The following MYT1L variants were observed in gnomAD, a reference collection of about 807,000 sequenced individuals.
MYT1L encodes myelin transcription factor 1 like.
MYT1L carries 12 observed loss-of-function variants against 126.7 expected under a neutral mutation model. That is an observed-to-expected ratio of 0.09 (90% CI 0.06 to 0.15). MYT1L has a LOEUF of 0.15. Ranked by LOEUF, MYT1L falls within the 10% of genes least tolerant of loss-of-function variation. The probability of loss-of-function intolerance (pLI) is 1.00; values close to 1 mark genes in which losing one functional copy is unlikely to be tolerated. For missense variants in MYT1L, 979 were observed against 1,585.2 expected (o/e 0.62, Z 6.49); for synonymous variants, 541 against 604.2 (o/e 0.90, Z 1.53).
chr2:2,000,871 G>A (rs373849307), intron 4 of MYT1L, among the ~76,000 whole-genome samples: 20 of 152,230 alleles, frequency 1.3e-4, no homozygotes, highest in African/African-American at 3.6e-4. Flanking sequence ...CTATGCATGC[G>A]TGGTGTTCAG....
intron 3 of MYT1L, among the ~76,000 whole-genome samples, chr2:2,072,608 C>T (rs2074733379): frequency 2.0e-5 from 3 of 152,158 alleles, no homozygotes; most frequent in Admixed American, 1.3e-4. Context: ...TATGGTTTGG[C>T]TCTGTGTCCC....
intron 3 of MYT1L, among the ~76,000 whole-genome samples, chr2:2,117,135 G>C (rs887491415): frequency 6.6e-6 from 1 of 152,180 alleles, no homozygotes; most frequent in African/African-American, 2.4e-5. Flanking sequence ...CCTTCAGTAA[G>C]CCCTCAGGGT....
chr2:2,146,944 G>A (rs575939006), intron 3 of MYT1L, among the ~76,000 whole-genome samples: 1 of 152,188 alleles, frequency 6.6e-6, no homozygotes, highest in East Asian at 1.9e-4. Context: ...AGAAAGGAAA[G>A]GGGTCTGGAG....
In MYT1L at chr2:1,979,397, A is replaced by T; in HGVS notation, c.89+124T>A. The T allele has an allele frequency of 8.8e-7, 1 of 1,141,208 alleles. No individual in the cohort carries two copies. Among genetic ancestry groups the T allele is most frequent in the Non-Finnish European group, 1.3e-6 (1 of 757,410 alleles). The allele number at this position is 1,141,208 out of a possible 1,614,324, so 70.7% of individuals were successfully genotyped here. ...TTTACGAGCAAGTCTCGGGGGAATT[A>T]ATTTCATCAGTGCAGCAGGGCGTGA... On this transcript the variant is annotated intron_variant, in intron 7 of 24. Transcript: ENST00000647738. The surrounding 1 kb of genome is among the most constrained non-coding windows in gnomAD (Gnocchi z 4.0).
Position 2,208,987 on chromosome 2 carries a change from C to T in MYT1L, c.-420-35999G>A, listed in dbSNP as rs35072239. On this transcript the variant is annotated intron_variant, in intron 2 of 24. Transcript: ENST00000647738. ...GTCATAGGTTGCTTTTGAAATTAAA[C>T]AGGGAGGCATTTACACACACACACA... Among the ~76,000 whole-genome samples the T allele has an allele frequency of 4.0e-3, 571 of 144,240 alleles. 2 individuals are homozygous for T. The highest frequency in any genetic ancestry group is 5.5e-3 in the Non-Finnish European group (361 of 65,678). 94.6% of individuals were successfully genotyped at this position (144,240 alleles called of 152,430 possible). A position where few individuals can be genotyped will look rare whatever the true frequency, so the allele number is the denominator to read the frequency against.
At position 2,287,613 on chromosome 2, in the gene MYT1L, T is replaced by C. The variant is rs560345287; in HGVS notation, c.-520-3110A>G. On this transcript the variant is annotated intron_variant, in intron 1 of 24. Transcript: ENST00000647738. ...CAGAGTGACTTTCTCATTTGCAAAA[T>C]GAGGATAATGGATTAGATCATCTTT... Among the ~76,000 whole-genome samples the C allele has an allele frequency of 5.3e-5, 8 of 152,340 alleles. No homozygotes were observed. In the South Asian group the frequency reaches 1.7e-3, roughly 32 times the overall value.
intron 18 of MYT1L, among the ~76,000 whole-genome samples, chr2:1,860,985 TCACA>T (rs35080379): frequency 4.6e-5 from 7 of 151,438 alleles, no homozygotes; most frequent in African/African-American, 1.7e-4. Flanking sequence ...ACTGCTCACC[TCACA>T]CACACACACA....
rs2054615438 is a variant in MYT1L, at chr2:1,929,167, G to A, written c.506-5904C>T. Among the ~76,000 whole-genome samples, 1 of 152,172 alleles carries A rather than the reference G, an allele frequency of 6.6e-6. No individual in the cohort carries two copies. Among genetic ancestry groups the A allele is most frequent in the South Asian group, 2.1e-4 (1 of 4,828 alleles). Reference sequence around the variant, plus strand: ...CAGTCTCTTTCCTTTCATAAGAGGGGAGAAGTCACTTTCCCAGCCCGGGTG... The same window carrying A: ...CAGTCTCTTTCCTTTCATAAGAGGGAAGAAGTCACTTTCCCAGCCCGGGTG... On this transcript the variant is annotated intron_variant, in intron 9 of 24. Coordinates refer to ENST00000647738, the MANE Select transcript of MYT1L (RefSeq NM_001303052.2). This position sits in a 1 kb window ranked among gnomAD's most constrained non-coding sequence, Gnocchi z 4.7.
chr2:2,012,345 A>G (rs2149768762), intron 4 of MYT1L, among the ~76,000 whole-genome samples: 1 of 152,382 alleles, frequency 6.6e-6, no homozygotes, highest in East Asian at 1.9e-4. Flanking sequence ...ACATTATGCT[A>G]AGTGAGAGAA....
intron 3 of MYT1L, among the ~76,000 whole-genome samples, chr2:2,087,918 T>C (rs1008639490): frequency 1.3e-5 from 2 of 152,244 alleles, no homozygotes; most frequent in Non-Finnish European, 2.9e-5. Context: ...TGGGGCTCCA[T>C]AGCCTTGCCT....
chr2:2,132,799 TAA>T (rs2148042330), intron 3 of MYT1L, among the ~76,000 whole-genome samples: 1 of 152,120 alleles, frequency 6.6e-6, no homozygotes, highest in South Asian at 2.1e-4. Context: ...ATGAATAGAC[TAA>T]GTCTACAGAA....
chr2:2,056,652 G>T (rs1347383873), intron 3 of MYT1L, among the ~76,000 whole-genome samples: 2 of 152,180 alleles, frequency 1.3e-5, no homozygotes, highest in Admixed American at 1.3e-4. Flanking sequence ...TGCACCCACG[G>T]TTCTGGCTGC....
At chr2:1,967,388 C>T (rs900134009) in intron 8 of MYT1L, among the ~76,000 whole-genome samples, 1 of 152,184 alleles carries the variant, frequency 6.6e-6, no homozygotes, top group East Asian at 1.9e-4. Flanking sequence ...GAGTTCCCTG[C>T]ATTTGGGGAT....
At chr2:2,216,811 A>G (rs2148947711) in intron 2 of MYT1L, among the ~76,000 whole-genome samples, 2 of 152,170 alleles carry the variant, frequency 1.3e-5, no homozygotes, top group South Asian at 4.2e-4. Context: ...GAGAGAGAAC[A>G]CAATTACCAA....
In MYT1L at chr2:1,889,450, C is replaced by T. The variant is rs1387337351; in HGVS notation, c.2311G>A (p.Gly771Arg). ...RNPDMEVDEN[G>R]TLDLSMNKQR... ...TTGTTCATGCTGAGGTCCAGGGTCC[C>T]GTTCTCATCCACCTCCATGTCAGGG... The change falls in exon 16 of 25, where the codon GGG becomes AGG. Residue 771 changes from glycine (G) to arginine (R), a missense_variant. Gly to Arg is a moderately radical substitution (Grantham distance 125, BLOSUM62 -2). Around this residue, in one of 12 missense-constraint regions of MYT1L, gnomAD observed 141 missense variants for 170.6 expected, o/e 0.83. Transcript: ENST00000647738. The surrounding 1 kb of genome is among the most constrained non-coding windows in gnomAD (Gnocchi z 4.1). 10 of 1,606,850 alleles carry T rather than the reference C, an allele frequency of 6.2e-6. No homozygotes were observed. The highest frequency in any genetic ancestry group is 2.2e-5 in the East Asian group (1 of 44,684).
chr2:1,956,647 T>C (rs1294675762), intron 8 of MYT1L, among the ~76,000 whole-genome samples: 1 of 150,624 alleles, frequency 6.6e-6, no homozygotes, highest in East Asian at 2.0e-4. Context: ...TAGCTATCTA[T>C]TTATCTATCT....
intron 9 of MYT1L, among the ~76,000 whole-genome samples, chr2:1,940,916 G>A (rs1051777815): frequency 2.6e-5 from 4 of 152,220 alleles, no homozygotes; most frequent in Admixed American, 2.6e-4. Context: ...CCTGAGGCAC[G>A]ATCAGCCAGT....
At chr2:1,828,167 A>T (rs555140195) in intron 21 of MYT1L, 15 of 152,266 alleles carry the variant, frequency 9.9e-5, no homozygotes, top group Admixed American at 2.0e-4. Flanking sequence ...TGTAAAAACT[A>T]TGGCTACTCA....
At chr2:2,248,050 C>T (rs181536092) in intron 2 of MYT1L, among the ~76,000 whole-genome samples, 1 of 151,744 alleles carries the variant, frequency 6.6e-6, no homozygotes, top group East Asian at 1.9e-4. Context: ...AGCAGAAATA[C>T]ATGAATTTGA....
Sources: gnomAD v4.1 joint callset for allele counts (sites outside exome capture counted in the v4.1 genomes callset) on GRCh38, gnomAD v4.1.1 for gene constraint, gnomAD v4.1.1 regional missense constraint, Gnocchi (gnomAD v3.1) non-coding constraint, MANE v1.5 for transcripts, NCBI Gene and HGNC (gene_info 2026-07-23, HGNC 2026-07-21) for gene names.